VCL: variants seen among roughly 807,000 people sequenced by gnomAD.
The protein encoded by VCL is vinculin.
A neutral mutation model predicts 125.7 loss-of-function variants in VCL; 47 were observed. The ratio of observed to expected loss-of-function variants is 0.37; its 90% CI spans 0.30 to 0.48. VCL has a LOEUF of 0.48. Ranked by LOEUF, VCL falls within the 20% of genes least tolerant of loss-of-function variation. VCL has a pLI of 0.99. For missense variants in VCL, 1,069 were observed against 1,455.5 expected (o/e 0.73, Z 4.32); for synonymous variants, 458 against 514.6 (o/e 0.89, Z 1.49).
rs138805942 is a variant in VCL at position 74,044,609 on chromosome 10, T to G, written c.239+1456T>G. On this transcript the variant is annotated intron_variant, in intron 2 of 21. Transcript: ENST00000211998. Reference sequence around the variant, plus strand: ...GGGAATGTAAATTGCTGCAGCCACTTTGGAAAACAACATGACATCAGTAAA... The same window carrying G: ...GGGAATGTAAATTGCTGCAGCCACTGTGGAAAACAACATGACATCAGTAAA... 2.6e-5 allele frequency among the ~76,000 whole-genome samples: 4 copies of G among 152,304 alleles called. No homozygotes were observed. In the East Asian group the frequency reaches 7.7e-4, roughly 29 times the overall value.
intron 7 of VCL, among the ~76,000 whole-genome samples, chr10:74,082,858 A>G (rs1303160827): frequency 6.6e-6 from 1 of 152,358 alleles, no homozygotes; most frequent in East Asian, 1.9e-4. Context: ...CTTCTCTTCC[A>G]GTTCCCATTG....
Position 74,117,995 on chromosome 10 carries a change from G to GT in VCL, c.3259-27dup, listed in dbSNP as rs767688515. 7 of 1,613,162 alleles carry GT rather than the reference G, an allele frequency of 4.3e-6. No homozygotes were observed. In the South Asian group the frequency reaches 7.7e-5, roughly 18 times the overall value. On this transcript the variant is annotated intron_variant, in intron 21 of 21. Transcript: ENST00000211998. Reference sequence around the variant, plus strand: ...GACAGGCCTGCATCAGGGACCCTGGGTAACGGAAAGTACCTTTTTCCTTGC... The same window carrying GT: ...GACAGGCCTGCATCAGGGACCCTGGGTTAACGGAAAGTACCTTTTTCCTTGC...
chr10:74,055,706 A>G (rs893059261), intron 2 of VCL, among the ~76,000 whole-genome samples: 1 of 152,140 alleles, frequency 6.6e-6, no homozygotes, highest in African/African-American at 2.4e-5. Flanking sequence ...GAATCAACAT[A>G]CATTTGAAAA....
chr10:74,030,670 A>G (rs1227279591), intron 1 of VCL, among the ~76,000 whole-genome samples: 1 of 152,228 alleles, frequency 6.6e-6, no homozygotes, highest in East Asian at 1.9e-4. Context: ...TGTTTGGGAC[A>G]TTTGGGTTCC....
chr10:74,029,572 C>G (rs1049034940), intron 1 of VCL, among the ~76,000 whole-genome samples: 1 of 152,220 alleles, frequency 6.6e-6, no homozygotes, highest in Non-Finnish European at 1.5e-5. Context: ...GAATAAACAG[C>G]TGCTGCCAAG....
intron 8 of VCL, among the ~76,000 whole-genome samples, chr10:74,087,985 A>C (rs1294140897): frequency 6.6e-6 from 1 of 152,186 alleles, no homozygotes; most frequent in Non-Finnish European, 1.5e-5. Context: ...CCTGGAAAAC[A>C]GTGAGACTCC....
Position 74,083,511 on chromosome 10 carries a change from C to T in VCL, c.1020C>T (p.Ala340=). The T allele has an allele frequency of 1.2e-6, 2 of 1,613,734 alleles. No individual in the cohort carries two copies. The highest frequency in any genetic ancestry group is 1.7e-6 in the Non-Finnish European group (2 of 1,179,832). Residue 340 remains alanine, a splice_region_variant and synonymous_variant, in exon 8 of 22, where the codon GCC becomes GCT. Coordinates refer to ENST00000211998, the MANE Select transcript of VCL (RefSeq NM_014000.3). ...CTGATCAAGTGGCTGACCTCCGTGC[C>T]AGGTAAAAGTTCCTCTGTCCTTACA... ...QMTDQVADLR[A]RGQGSSPVAM... is the part of the protein sequence containing the mutation.
chr10:74,114,436 T>TGTGTGC, intron 20 of VCL, 49 bp downstream of exon 20: 2 of 1,411,742 alleles, frequency 1.4e-6, no homozygotes, highest in African/African-American at 3.0e-5. Flanking sequence ...TGTGTGTGTG[T>TGTGTGC]GCGTGTGTGT....
At chr10:74,088,579 A>G (rs189614135) in intron 8 of VCL, among the ~76,000 whole-genome samples, 1 of 152,202 alleles carries the variant, frequency 6.6e-6, no homozygotes, top group Non-Finnish European at 1.5e-5. Flanking sequence ...GCCACTCCAT[A>G]AGATAAGTGG....
rs533413454 is a variant in VCL, at chr10:74,117,386, G to A, written c.3259-637G>A. On this transcript the variant is annotated intron_variant, in intron 21 of 21. Coordinates refer to ENST00000211998, the MANE Select transcript of VCL (RefSeq NM_014000.3). ...AATAAGGCCAAGCGCGGTGGCTCACGCCTACTGTATGTAGTCTTAGCACTT... is the reference window on the plus strand; with the variant it reads ...AATAAGGCCAAGCGCGGTGGCTCACACCTACTGTATGTAGTCTTAGCACTT... Among the ~76,000 whole-genome samples, 9 of 152,280 alleles carry A rather than the reference G, an allele frequency of 5.9e-5. No homozygotes were observed. The East Asian group carries it at 1.5e-3, about 26-fold the overall frequency.
At chr10:74,067,253 C>T (rs895822670) in intron 2 of VCL, among the ~76,000 whole-genome samples, 1 of 152,014 alleles carries the variant, frequency 6.6e-6, no homozygotes, top group Admixed American at 6.6e-5. Flanking sequence ...AGACATTTCT[C>T]CATAAAAGAT....
At chr10:74,039,243 G>A (rs1197103391) in intron 1 of VCL, among the ~76,000 whole-genome samples, 1 of 151,980 alleles carries the variant, frequency 6.6e-6, no homozygotes, top group African/African-American at 2.4e-5. Flanking sequence ...CCTCAGTCTA[G>A]TCTTCATCCC....
At chr10:74,114,484 G>T in intron 20 of VCL, 97 bp downstream of exon 20, 5 of 1,454,700 alleles carry the variant, frequency 3.4e-6, no homozygotes, top group Non-Finnish European at 4.7e-6. Flanking sequence ...GAGAAAAGCA[G>T]GAGAGAAAAA....
At position 74,017,046 on chromosome 10, in the gene VCL, C is replaced by CTTTTTTTTTTTTTTTTTTTTT. The variant is rs549275362; in HGVS notation, c.168+18690_168+18691insTTTTTTTTTTTTTTTTTTTTT. 5.3e-5 allele frequency among the ~76,000 whole-genome samples: 6 copies of CTTTTTTTTTTTTTTTTTTTTT among 113,168 alleles called. 2 individuals carry two copies. The highest frequency in any genetic ancestry group is 2.5e-4 in the African/African-American group (6 of 24,262). The allele number at this position is 113,168 out of a possible 152,430, so 74.2% of individuals were successfully genotyped here. On this transcript the variant is annotated intron_variant, in intron 1 of 21. Coordinates refer to ENST00000211998, the MANE Select transcript of VCL (RefSeq NM_014000.3). Reference sequence around the variant, plus strand: ...TGTAGCATATGTCAGAATTTCCTTCCTTTTTTTTTTTTTTTTTTTGAGACG... The same window carrying CTTTTTTTTTTTTTTTTTTTTT: ...TGTAGCATATGTCAGAATTTCCTTCCTTTTTTTTTTTTTTTTTTTTTTTTTTTTTTTTTTTTTTTTGAGACG...
intron 2 of VCL, among the ~76,000 whole-genome samples, chr10:74,064,310 A>T (rs900166340): frequency 2.0e-5 from 3 of 152,202 alleles, no homozygotes; most frequent in Admixed American, 2.0e-4. Context: ...ACCAACTCAG[A>T]AACTCTCTGA....
In VCL at chr10:74,097,796, T is replaced by C. The variant is rs1363403014; in HGVS notation, c.1872+464T>C. 2.0e-5 allele frequency among the ~76,000 whole-genome samples: 3 copies of C among 152,196 alleles called. No individual in the cohort carries two copies. Among genetic ancestry groups the C allele is most frequent in the Admixed American group, 6.5e-5 (1 of 15,280 alleles). ...TTTAAATCAATCGATGTCATTCTTATACTCAGACCCTTCCAATGACTCCCC... is the reference window on the plus strand; with the variant it reads ...TTTAAATCAATCGATGTCATTCTTACACTCAGACCCTTCCAATGACTCCCC... On this transcript the variant is annotated intron_variant, in intron 13 of 21. Transcript: ENST00000211998. This position sits in a 1 kb window ranked among gnomAD's most constrained non-coding sequence, Gnocchi z 4.1.
chr10:74,060,655 CAAAAAAAA>C (rs11398822), intron 2 of VCL, among the ~76,000 whole-genome samples: 3 of 109,252 alleles, frequency 2.7e-5, no homozygotes, highest in Non-Finnish European at 5.5e-5. Flanking sequence ...GACTCTGTCT[CAAAAAAAA>C]AAAAAAAAAG....
At chr10:74,077,399 C>G (rs1839605931) in intron 6 of VCL, 1 of 151,552 alleles carries the variant, frequency 6.6e-6, no homozygotes, top group South Asian at 2.0e-4. Flanking sequence ...TGGTTCCCAT[C>G]CACTCTACCG....
At chr10:74,089,144 G>T (rs1012346682) in intron 8 of VCL, 52 bp from the exon 9 acceptor site, 62 of 1,611,658 alleles carry the variant, frequency 3.8e-5, no homozygotes, top group Non-Finnish European at 4.9e-5. Flanking sequence ...GGAATATTTT[G>T]TCATTAAGTA....
Sources: allele counts gnomAD v4.1 joint callset (sites outside exome capture counted in the v4.1 genomes callset), GRCh38; gene constraint gnomAD v4.1.1; non-coding constraint Gnocchi (gnomAD v3.1); transcripts MANE v1.5; gene names NCBI Gene and HGNC (gene_info 2026-07-23, HGNC 2026-07-21).